The following ALKBH1 variants were observed in gnomAD, a reference collection of about 807,000 sequenced individuals.
ALKBH1 encodes alkB homolog 1, histone H2A dioxygenase, also known as nucleic acid dioxygenase ALKBH1.
ALKBH1 carries 31 observed loss-of-function variants against 36.6 expected under a neutral mutation model. That is an observed-to-expected ratio of 0.85 (90% CI 0.64 to 1.14). The LOEUF is 1.14. Among genes scored for constraint, ALKBH1 ranks in the 50% most tolerant of loss-of-function variants. The probability of loss-of-function intolerance (pLI) is 0.00; values close to 1 mark genes in which losing one functional copy is unlikely to be tolerated. For synonymous variants in ALKBH1, 183 were observed against 186.6 expected, an observed-to-expected ratio of 0.98 and a Z score of 0.16; for missense variants, 490 against 497.3, an observed-to-expected ratio of 0.99 and a Z score of 0.14.
intron 3 of ALKBH1, among the ~76,000 whole-genome samples, chr14:77,694,081 G>A (rs565066032): frequency 2.0e-5 from 3 of 152,182 alleles, no homozygotes; most frequent in Non-Finnish European, 4.4e-5. Flanking sequence ...TGCTCCCACA[G>A]TATTTTTCTA....
intron 4 of ALKBH1, among the ~76,000 whole-genome samples, chr14:77,678,289 C>T (rs1394184664): frequency 1.3e-5 from 2 of 151,998 alleles, no homozygotes; most frequent in Non-Finnish European, 2.9e-5. Context: ...TGGCATTTCC[C>T]CTCAAAAAAT....
chr14:77,702,963 T>G (rs2080367584), intron 2 of ALKBH1, among the ~76,000 whole-genome samples: 1 of 152,090 alleles, frequency 6.6e-6, no homozygotes, highest in South Asian at 2.1e-4. Flanking sequence ...GAAACCAGCT[T>G]GGCCAACATG....
rs774703181 is a variant in ALKBH1 at position 77,680,677 on chromosome 14, C to CTCTTTTTTTTTTTTTTTTTTTTTTTT, written c.456-708_456-707insAAAAAAAAAAAAAAAAAAAAAAAAGA. On this transcript the variant is annotated intron_variant, in intron 3 of 5. Transcript: ENST00000216489. Reference sequence around the variant, plus strand: ...GATCAAATCTATGTGATTAACTACTCTTTTTTTTTTTTTTTTTTTGAGACA... The same window carrying CTCTTTTTTTTTTTTTTTTTTTTTTTT: ...GATCAAATCTATGTGATTAACTACTCTCTTTTTTTTTTTTTTTTTTTTTTTTTTTTTTTTTTTTTTTTTTTGAGACA... Among the ~76,000 whole-genome samples, 7 of 124,348 alleles carry CTCTTTTTTTTTTTTTTTTTTTTTTTT rather than the reference C, an allele frequency of 5.6e-5. 1 individual carries two copies. Among genetic ancestry groups the CTCTTTTTTTTTTTTTTTTTTTTTTTT allele is most frequent in the African/African-American group, 1.9e-4 (6 of 31,308 alleles). The allele number at this position is 124,348 out of a possible 152,430, so 81.6% of individuals were successfully genotyped here.
rs1379505593 is a variant in ALKBH1 at position 77,679,985 on chromosome 14, G to A, written c.456-15C>T. ...CTTCTTTATACCTGCAAAGATTGGTGACAAAAGAGGAATTATTCATGTAAA... is the reference window on the plus strand; with the variant it reads ...CTTCTTTATACCTGCAAAGATTGGTAACAAAAGAGGAATTATTCATGTAAA... On this transcript the variant is annotated splice_polypyrimidine_tract_variant and intron_variant, in intron 3 of 5. Coordinates refer to ENST00000216489, the MANE Select transcript of ALKBH1 (RefSeq NM_006020.3). 10 of 1,598,292 alleles carry A rather than the reference G, an allele frequency of 6.3e-6. No individual in the cohort carries two copies. Among genetic ancestry groups the A allele is most frequent in the Admixed American group, 3.3e-5 (2 of 59,956 alleles).
At chr14:77,683,222 G>A (rs1235583121) in intron 3 of ALKBH1, 1 of 695,284 alleles carries the variant, frequency 1.4e-6, no homozygotes, top group Non-Finnish European at 2.7e-6. Flanking sequence ...AATCCATAGA[G>A]AATAGGTTCC....
Position 77,674,238 on chromosome 14 carries a change from A to G in ALKBH1, c.744T>C (p.Phe248=). The G allele has an allele frequency of 6.4e-7, 1 of 1,554,280 alleles. No homozygotes were observed. The highest frequency in any genetic ancestry group is 8.7e-7 in the Non-Finnish European group (1 of 1,152,142). ...DHSKPLLSFS[F]GQSAIFLLGG... is the part of the protein sequence containing the mutation. ...CCAGGAGAAAGATGGCGGACTGTCCAAAGCTACAAAAAATAAGTAAAAACA... is the reference window on the plus strand; with the variant it reads ...CCAGGAGAAAGATGGCGGACTGTCCGAAGCTACAAAAAATAAGTAAAAACA... Residue 248 remains phenylalanine, a synonymous_variant, in exon 6 of 6, where the codon TTT becomes TTC. Coordinates refer to ENST00000216489, the MANE Select transcript of ALKBH1 (RefSeq NM_006020.3).
At chr14:77,705,262 A>G in intron 1 of ALKBH1, among the ~76,000 whole-genome samples, 1 of 152,042 alleles carries the variant, frequency 6.6e-6, no homozygotes, top group Admixed American at 6.6e-5. Flanking sequence ...AAAATACAAA[A>G]ATTAGTTGGG....
chr14:77,683,496 A>C, intron 3 of ALKBH1: 1 of 696,000 alleles, frequency 1.4e-6, no homozygotes, highest in South Asian at 1.4e-5. Context: ...AGACTCTTCC[A>C]GTTTTGCCAT....
Position 77,704,438 on chromosome 14 carries a change from G to A in ALKBH1, c.223C>T (p.Gln75Ter), listed in dbSNP as rs2080377069. The A allele has an allele frequency of 6.2e-7, 1 of 1,614,066 alleles. No homozygotes were observed. The highest frequency in any genetic ancestry group is 8.5e-7 in the Non-Finnish European group (1 of 1,179,980). Reference protein sequence around the residue: ...SQLNVSSVSEQNAYRAGLQPV... With the variant: ...SQLNVSSVSE Reference sequence around the variant, plus strand: ...TGAAGACCTGCTCTATATGCATTCTGCTCACTGACAGAAGACACATTTAGC... The same window carrying A: ...TGAAGACCTGCTCTATATGCATTCTACTCACTGACAGAAGACACATTTAGC... The change falls in exon 2 of 6, where the codon CAG becomes TAG. Residue 75 changes from glutamine to a stop codon, truncating the protein, a stop_gained. Transcript: ENST00000216489. LOFTEE classifies it high-confidence loss of function.
At position 77,675,731 on chromosome 14, in the gene ALKBH1, T is replaced by C. The variant is rs1476687646; in HGVS notation, c.665A>G (p.Tyr222Cys). 29 of 1,613,988 alleles carry C rather than the reference T, an allele frequency of 1.8e-5. No individual in the cohort carries two copies. Among genetic ancestry groups the C allele is most frequent in the Non-Finnish European group, 2.4e-5 (28 of 1,180,000 alleles). The change falls in exon 5 of 6, where the codon TAC becomes TGC. Residue 222 changes from tyrosine (Y) to cysteine (C), a missense_variant. Transcript: ENST00000216489. ...FRAEAGILNY[Y>C]RLDSTLGIHV... ...GATTCCCAGTGTGGAGTCCAGGCGG[T>C]AGTAATTCAGGATCCCTGCTTCAGC...
chr14:77,689,958 C>A (rs1341492346), intron 3 of ALKBH1, among the ~76,000 whole-genome samples: 1 of 152,058 alleles, frequency 6.6e-6, no homozygotes, highest in Non-Finnish European at 1.5e-5. Flanking sequence ...AAGTTCAAGG[C>A]AGCCTGGGCA....
intron 5 of ALKBH1, among the ~76,000 whole-genome samples, chr14:77,675,291 G>A (rs1307240638): frequency 6.6e-6 from 1 of 151,850 alleles, no homozygotes; most frequent in African/African-American, 2.4e-5. Context: ...AAAATTAGCT[G>A]GGTGTGGCGG....
intron 2 of ALKBH1, 101 bp downstream of exon 2, chr14:77,704,268 T>A (rs2080375893): frequency 1.2e-6 from 1 of 841,956 alleles, no homozygotes; most frequent in African/African-American, 1.7e-5. Flanking sequence ...ATTATGTGTA[T>A]CCTTTGTCTA....
At chr14:77,703,434 G>C (rs1461639029) in intron 2 of ALKBH1, among the ~76,000 whole-genome samples, 1 of 151,732 alleles carries the variant, frequency 6.6e-6, no homozygotes. Context: ...TGGGACTACA[G>C]GGGCCCGCCA....
Position 77,679,967 on chromosome 14 carries a change from A to G in ALKBH1, c.459T>C (p.Tyr153=), listed in dbSNP as rs781015813. The change falls in exon 4 of 6, where the codon TAT becomes TAC. Residue 153 remains tyrosine (Y), a synonymous_variant. Transcript: ENST00000216489. The part of the protein sequence containing the change: ...LWEQSKEFLR[Y]KEATKRRPRS... The stretch of plus-strand genomic sequence containing the variant: ...GGGGTCTCCGTTTAGTCGCTTCTTT[A>G]TACCTGCAAAGATTGGTGACAAAAG... The G allele has an allele frequency of 2.5e-6, 4 of 1,613,028 alleles. No individual in the cohort carries two copies. Among genetic ancestry groups the G allele is most frequent in the Non-Finnish European group, 3.4e-6 (4 of 1,179,072 alleles).
chr14:77,700,848 G>A (rs1200045834), intron 2 of ALKBH1, among the ~76,000 whole-genome samples: 1 of 152,078 alleles, frequency 6.6e-6, no homozygotes, highest in East Asian at 1.9e-4. Flanking sequence ...AGCACTCTGG[G>A]AGGCCGAGGC....
chr14:77,694,946 C>T (rs747437066), intron 2 of ALKBH1, 46 bp from the exon 3 acceptor site: 4 of 1,394,968 alleles, frequency 2.9e-6, no homozygotes, highest in Non-Finnish European at 3.8e-6. Flanking sequence ...GGAAATTCTC[C>T]ATCAGTTATT....
intron 4 of ALKBH1, among the ~76,000 whole-genome samples, chr14:77,677,639 G>A (rs903438681): frequency 4.6e-5 from 7 of 152,308 alleles, no homozygotes; most frequent in South Asian, 2.1e-4. Context: ...GGCCAGAAGC[G>A]ACCTTTAACT....
intron 3 of ALKBH1, chr14:77,691,755 C>A (rs1447756435): frequency 6.6e-6 from 1 of 152,098 alleles, no homozygotes; most frequent in African/African-American, 2.4e-5. Flanking sequence ...TGATTTATTA[C>A]AGAGATTCAT....
Sources: allele counts gnomAD v4.1 joint callset (sites outside exome capture counted in the v4.1 genomes callset), GRCh38; gene constraint gnomAD v4.1.1; transcripts MANE v1.5; gene names NCBI Gene and HGNC (gene_info 2026-07-23, HGNC 2026-07-21).